Variants in AGBL4 observed in about 807,000 individuals in gnomAD.
The protein encoded by AGBL4 is cytosolic carboxypeptidase 6.
In AGBL4, 58 loss-of-function variants were observed where a neutral mutation model predicts 66.4. The ratio of observed to expected loss-of-function variants is 0.87; its 90% CI spans 0.71 to 1.09. The LOEUF is 1.09. Ranked by LOEUF, AGBL4 falls within the 50% of genes least tolerant of loss-of-function variation. The pLI, the probability that AGBL4 is intolerant of heterozygous loss-of-function variation, is 0.00. For synonymous variants in AGBL4, 234 were observed against 222.9 expected (o/e 1.05, Z -0.44); for missense variants, 579 against 631.0 (o/e 0.92, Z 0.88).
At chr1:49,657,106 C>A (rs1319801365) in intron 3 of AGBL4, among the ~76,000 whole-genome samples, 1 of 152,158 alleles carries the variant, frequency 6.6e-6, no homozygotes, top group Non-Finnish European at 1.5e-5. Context: ...ATCTAGAAAA[C>A]CCCATCGTCT....
In AGBL4 at chr1:49,973,247, A is replaced by G. The variant is rs1286309149; in HGVS notation, c.34+50516T>C. Reference sequence around the variant, plus strand: ...TAAAGTAAACCACCTGCACAACCATAAACAGCAGCCCTAGTGTAACAGGTC... The same window carrying G: ...TAAAGTAAACCACCTGCACAACCATGAACAGCAGCCCTAGTGTAACAGGTC... On this transcript the variant is annotated intron_variant, in intron 1 of 13. Transcript: ENST00000371839. Among the ~76,000 whole-genome samples the G allele has an allele frequency of 2.6e-5, 4 of 152,298 alleles. No homozygotes were observed. In the East Asian group the frequency reaches 7.7e-4, roughly 29 times the overall value.
chr1:49,027,294 G>A (rs775213380), intron 5 of AGBL4, among the ~76,000 whole-genome samples: 7 of 151,962 alleles, frequency 4.6e-5, no homozygotes, highest in Non-Finnish European at 8.8e-5. Context: ...CCGAGTAGCT[G>A]AGATTACAGG....
intron 3 of AGBL4, among the ~76,000 whole-genome samples, chr1:49,576,993 GA>G (rs1247136265): frequency 1.3e-5 from 2 of 152,204 alleles, no homozygotes; most frequent in East Asian, 3.9e-4. Flanking sequence ...ACTTTTCATG[GA>G]AGGAGAAATG....
intron 4 of AGBL4, among the ~76,000 whole-genome samples, chr1:49,178,752 C>A (rs1057087649): frequency 6.6e-6 from 1 of 152,122 alleles, no homozygotes; most frequent in Non-Finnish European, 1.5e-5. Flanking sequence ...GTGAGCTGAG[C>A]CTATTTTTCC....
intron 3 of AGBL4, among the ~76,000 whole-genome samples, chr1:49,506,131 T>C (rs1167296): frequency 0.05 from 7,549 of 152,020 alleles, 572 homozygotes; most frequent in African/African-American, 0.16. Flanking sequence ...GTAACATCTA[T>C]TAGAGGGGTC....
At chr1:48,581,127 C>A (rs369722644) in intron 11 of AGBL4, among the ~76,000 whole-genome samples, 3 of 152,302 alleles carry the variant, frequency 2.0e-5, no homozygotes, top group East Asian at 3.9e-4. Flanking sequence ...AAACTGTCTT[C>A]ATCTTGAAAG....
chr1:49,052,237 C>A (rs2147891043), intron 4 of AGBL4, among the ~76,000 whole-genome samples: 1 of 152,178 alleles, frequency 6.6e-6, no homozygotes, highest in South Asian at 2.1e-4. Flanking sequence ...CTGATTATTC[C>A]CCCTGGTCAT....
chr1:49,856,757 A>G (rs577403236), intron 1 of AGBL4, among the ~76,000 whole-genome samples: 96 of 152,244 alleles, frequency 6.3e-4, no homozygotes, highest in Middle Eastern at 3.4e-3. Flanking sequence ...TATATGACAA[A>G]CCCACTGTAA....
intron 1 of AGBL4, among the ~76,000 whole-genome samples, chr1:49,872,348 T>A (rs1286274615): frequency 1.3e-5 from 2 of 152,122 alleles, no homozygotes; most frequent in Non-Finnish European, 2.9e-5. Flanking sequence ...TAATAGGGCA[T>A]AATTGGAGAC....
chr1:49,584,963 T>C (rs1644619888), intron 3 of AGBL4, among the ~76,000 whole-genome samples: 1 of 152,216 alleles, frequency 6.6e-6, no homozygotes, highest in African/African-American at 2.4e-5. Context: ...ATGGACTTGC[T>C]TTCCCTCTCC....
At chr1:48,935,235 T>A (rs899306016) in intron 5 of AGBL4, among the ~76,000 whole-genome samples, 1 of 152,184 alleles carries the variant, frequency 6.6e-6, no homozygotes, top group South Asian at 2.1e-4. Flanking sequence ...CCATTGGCTA[T>A]GGATATGTTT....
chr1:49,654,183 G>GA (rs1344298492), intron 3 of AGBL4, among the ~76,000 whole-genome samples: 1 of 152,082 alleles, frequency 6.6e-6, no homozygotes, highest in East Asian at 1.9e-4. Flanking sequence ...CATTCTTAAA[G>GA]AAAAAAATGT....
intron 8 of AGBL4, among the ~76,000 whole-genome samples, chr1:48,636,715 G>A (rs1645673548): frequency 6.6e-6 from 1 of 152,214 alleles, no homozygotes; most frequent in Non-Finnish European, 1.5e-5. Context: ...ATTAAGGACA[G>A]AGAGAGAGCC....
At chr1:49,539,282 G>A (rs185709019) in intron 3 of AGBL4, among the ~76,000 whole-genome samples, 1 of 152,170 alleles carries the variant, frequency 6.6e-6, no homozygotes, top group Admixed American at 6.5e-5. Context: ...AGGAATATGT[G>A]TTTTTGCTTG....
At chr1:49,078,939 A>C (rs552105737) in intron 4 of AGBL4, among the ~76,000 whole-genome samples, 1 of 152,212 alleles carries the variant, frequency 6.6e-6, no homozygotes, top group East Asian at 1.9e-4. Context: ...TCCTTACTGC[A>C]GACTTCCAAG....
At chr1:49,218,466 G>A (rs1649245940) in intron 4 of AGBL4, among the ~76,000 whole-genome samples, 1 of 152,160 alleles carries the variant, frequency 6.6e-6, no homozygotes, top group Non-Finnish European at 1.5e-5. Flanking sequence ...GAAGTAGTCA[G>A]AAAATGGAAT....
chr1:48,834,914 C>T (rs1347269833), intron 6 of AGBL4, among the ~76,000 whole-genome samples: 1 of 152,144 alleles, frequency 6.6e-6, no homozygotes, highest in African/African-American at 2.4e-5. Context: ...ATTCTTTCTT[C>T]AGAACCAGGG....
chr1:49,851,587 T>C, intron 1 of AGBL4, 69 bp from the exon 2 acceptor site: 2 of 1,467,414 alleles, frequency 1.4e-6, no homozygotes, highest in Admixed American at 2.2e-5. Context: ...ATTTTTACTG[T>C]TAATTACCCC....
At position 48,913,652 on chromosome 1, in the gene AGBL4, A is replaced by G. The variant is rs113731097; in HGVS notation, c.595-46422T>C. Among the ~76,000 whole-genome samples, 300 of 152,332 alleles carry G rather than the reference A, an allele frequency of 2.0e-3. 5 individuals are homozygous for G. Among genetic ancestry groups the G allele is most frequent in the African/African-American group, 6.7e-3 (277 of 41,558 alleles). Reference sequence around the variant, plus strand: ...GATGGGACTGTTTTAGTTGCAGGAAAACAAGCTCAGGGCTCCCACTAATTA... The same window carrying G: ...GATGGGACTGTTTTAGTTGCAGGAAGACAAGCTCAGGGCTCCCACTAATTA... On this transcript the variant is annotated intron_variant, in intron 5 of 13. Coordinates refer to ENST00000371839, the MANE Select transcript of AGBL4 (RefSeq NM_032785.4).
Sources: gnomAD v4.1 joint callset for allele counts (sites outside exome capture counted in the v4.1 genomes callset) on GRCh38, gnomAD v4.1.1 for gene constraint, MANE v1.5 for transcripts, NCBI Gene and HGNC (gene_info 2026-07-23, HGNC 2026-07-21) for gene names.